The following DAB1 variants were observed in gnomAD, a reference collection of about 807,000 sequenced individuals.
The protein encoded by DAB1 is DAB adaptor protein 1, also known as disabled homolog 1.
Under a neutral mutation model 64.6 loss-of-function variants are expected in DAB1, and 15 were observed. The observed-to-expected ratio is 0.23, with a 90% confidence interval of 0.16 to 0.36. The LOEUF is 0.36. Ranked by LOEUF, DAB1 falls within the 10% of genes least tolerant of loss-of-function variation. DAB1 has a pLI of 1.00. For synonymous variants in DAB1, 235 were observed against 251.9 expected (o/e 0.93, Z 0.64); for missense variants, 596 against 706.7 (o/e 0.84, Z 1.78).
intron 4 of DAB1, among the ~76,000 whole-genome samples, chr1:58,211,393 T>A (rs1320385713): frequency 1.3e-5 from 2 of 152,188 alleles, no homozygotes; most frequent in Non-Finnish European, 2.9e-5. Context: ...ATTTTTCACA[T>A]TTAGAAATTC....
At chr1:58,437,754 C>A (rs926199169) in intron 3 of DAB1, among the ~76,000 whole-genome samples, 1 of 152,204 alleles carries the variant, frequency 6.6e-6, no homozygotes, top group Non-Finnish European at 1.5e-5. Flanking sequence ...GTGGGCCTGC[C>A]GCACCCTAAC....
chr1:57,514,255 C>T (rs530116114), intron 7 of DAB1, among the ~76,000 whole-genome samples: 4 of 152,112 alleles, frequency 2.6e-5, no homozygotes, highest in East Asian at 1.9e-4. Flanking sequence ...TTTTAAGGAA[C>T]CTTCATACTT....
At chr1:57,775,558 A>G (rs1262876598) in intron 6 of DAB1, among the ~76,000 whole-genome samples, 2 of 151,618 alleles carry the variant, frequency 1.3e-5, no homozygotes, top group Non-Finnish European at 3.0e-5. Context: ...ATTGAAAAAA[A>G]AATTGATTTT....
chr1:57,018,941 C>G (rs1203641041), intron 11 of DAB1, among the ~76,000 whole-genome samples: 2 of 152,178 alleles, frequency 1.3e-5, no homozygotes, highest in Non-Finnish European at 2.9e-5. Flanking sequence ...AAAGCCATCC[C>G]CCTGCTTCTG....
Position 57,026,075 on chromosome 1 carries a change from C to T in DAB1, c.724-32G>A, listed in dbSNP as rs779648696. ...AGACAAAAAGGTAATCATGTGACTA[C>T]AAAGAAAGCTGGTGCTGCTGGGCCC... On this transcript the variant is annotated intron_variant, in intron 9 of 14. Transcript: ENST00000371236. 6 of 1,559,844 alleles carry T rather than the reference C, an allele frequency of 3.8e-6. No individual in the cohort carries two copies. The African/African-American group carries it at 4.1e-5, about 11-fold the overall frequency.
At position 57,561,665 on chromosome 1, in the gene DAB1, C is replaced by T. The variant is rs562348091; in HGVS notation, n.625+87927G>A. Among the ~76,000 whole-genome samples the T allele has an allele frequency of 8.5e-5, 13 of 152,300 alleles. No homozygotes were observed. In the East Asian group the frequency reaches 9.6e-4, roughly 11 times the overall value. ...ACTCAGCCTCTTTCCCCAGTCACCC[C>T]GTCTTCACACCAAGGGACAATGAAC... On this transcript the variant is annotated intron_variant and non_coding_transcript_variant, in intron 7 of 20. Transcript: ENST00000485760.
chr1:58,459,915 T>C (rs2100309340), intron 3 of DAB1, among the ~76,000 whole-genome samples: 1 of 152,248 alleles, frequency 6.6e-6, no homozygotes, highest in Middle Eastern at 3.4e-3. Flanking sequence ...GATCCAGAGG[T>C]AGCAGTGAGC....
intron 7 of DAB1, among the ~76,000 whole-genome samples, chr1:57,545,029 T>G (rs1449104835): frequency 5.9e-5 from 9 of 152,176 alleles, no homozygotes; most frequent in Non-Finnish European, 1.0e-4. Context: ...GAAACCCAAA[T>G]CACCTCCCAT....
intron 7 of DAB1, among the ~76,000 whole-genome samples, chr1:57,508,048 G>A (rs1644365488): frequency 6.6e-6 from 1 of 152,162 alleles, no homozygotes. Flanking sequence ...CCAGCTCCCT[G>A]CATAATTCCG....
intron 2 of DAB1, among the ~76,000 whole-genome samples, chr1:57,182,961 T>G (rs112196418): frequency 1.8e-4 from 28 of 152,280 alleles, no homozygotes; most frequent in African/African-American, 6.5e-4. Context: ...CCAGCCTCAT[T>G]TTAACTGCTC....
At chr1:58,327,156 G>A (rs954401901) in intron 4 of DAB1, among the ~76,000 whole-genome samples, 2 of 152,142 alleles carry the variant, frequency 1.3e-5, no homozygotes, top group African/African-American at 4.8e-5. Context: ...CAGTGCTAGG[G>A]CAAAATTTCA....
intron 5 of DAB1, among the ~76,000 whole-genome samples, chr1:58,126,332 C>T (rs1653079532): frequency 1.3e-5 from 2 of 152,262 alleles, no homozygotes; most frequent in Admixed American, 6.5e-5. Flanking sequence ...CTCCGCAGCC[C>T]GGGGTAGGGG....
At chr1:58,013,791 T>C (rs974083574) in intron 5 of DAB1, among the ~76,000 whole-genome samples, 2 of 152,196 alleles carry the variant, frequency 1.3e-5, no homozygotes, top group African/African-American at 4.8e-5. Context: ...GTGATGTCAG[T>C]AGCTTGAAAT....
chr1:57,290,886 T>G (rs1002692817), intron 2 of DAB1, 78 bp downstream of exon 2: 3 of 821,860 alleles, frequency 3.7e-6, no homozygotes, highest in Non-Finnish European at 5.9e-6. Flanking sequence ...AGATATTTCT[T>G]TATATCATTC....
chr1:57,855,478 A>C (rs1050098074), intron 1 of DAB1, among the ~76,000 whole-genome samples: 4 of 152,160 alleles, frequency 2.6e-5, no homozygotes, highest in Non-Finnish European at 5.9e-5. Flanking sequence ...AAGAGCACTA[A>C]AGAAGGTGAG....
chr1:57,293,068 A>G lies in DAB1; in HGVS notation c.-136-1902T>C, dbSNP rs114135726. Among the ~76,000 whole-genome samples the G allele has an allele frequency of 1.2e-3, 187 of 152,286 alleles. 1 individual carries two copies. Among genetic ancestry groups the G allele is most frequent in the African/African-American group, 4.2e-3 (174 of 41,572 alleles). On this transcript the variant is annotated intron_variant, in intron 1 of 14. Transcript: ENST00000371236. Reference sequence around the variant, plus strand: ...ATGAATGAGTGGTTGTCTCAGGCAGAAAGATCAGCATGTGTAAAAGCAAGG... The same window carrying G: ...ATGAATGAGTGGTTGTCTCAGGCAGGAAGATCAGCATGTGTAAAAGCAAGG...
chr1:58,237,841 T>C (rs972587787), intron 4 of DAB1, among the ~76,000 whole-genome samples: 1 of 152,210 alleles, frequency 6.6e-6, no homozygotes, highest in South Asian at 2.1e-4. Flanking sequence ...CTGGTGATCA[T>C]TACCATATAT....
intron 1 of DAB1, among the ~76,000 whole-genome samples, chr1:57,390,847 C>T (rs1682288736): frequency 6.6e-6 from 1 of 152,206 alleles, no homozygotes; most frequent in South Asian, 2.1e-4. Context: ...GATCCCAGGT[C>T]ATTCTAAGGT....
chr1:57,127,873 C>G (rs532496422), intron 4 of DAB1, among the ~76,000 whole-genome samples: 1 of 152,148 alleles, frequency 6.6e-6, no homozygotes, highest in African/African-American at 2.4e-5. Flanking sequence ...CCTGTCCGGG[C>G]GTGGTAGTTC....
Sources: allele counts gnomAD v4.1 joint callset (sites outside exome capture counted in the v4.1 genomes callset), GRCh38; gene constraint gnomAD v4.1.1; transcripts MANE v1.5; gene names NCBI Gene and HGNC (gene_info 2026-07-23, HGNC 2026-07-21).